PAPPA: variants seen among roughly 807,000 people sequenced by gnomAD.
PAPPA encodes pappalysin 1.
PAPPA carries 60 observed loss-of-function variants against 164.0 expected under a neutral mutation model. The observed-to-expected ratio is 0.37, with a 90% CI of 0.30 to 0.45. PAPPA has a LOEUF of 0.45. Ranked by LOEUF, PAPPA falls within the 20% of genes least tolerant of loss-of-function variation. PAPPA has a pLI of 1.00. For missense variants in PAPPA, 1,782 were observed against 2,087.3 expected (o/e 0.85, Z 2.85); for synonymous variants, 875 against 814.1 (o/e 1.07, Z -1.27).
chr9:116,311,129 G>A (rs1476513471), intron 10 of PAPPA, among the ~76,000 whole-genome samples: 3 of 149,994 alleles, frequency 2.0e-5, no homozygotes, highest in African/African-American at 7.4e-5. Context: ...GAGACTTTGA[G>A]AGTCTCTTGG....
At position 116,187,325 on chromosome 9, in the gene PAPPA, G is replaced by T. The variant is rs1275132981; in HGVS notation, c.587G>T (p.Trp196Leu). The change falls in exon 2 of 22, where the codon TGG (tryptophan) becomes TTG (leucine). Residue 196 changes from tryptophan to leucine, a missense_variant. Trp to Leu is a moderately conservative substitution (Grantham distance 61). This residue lies in a region of PAPPA where 458 missense variants were observed against 430.3 expected (regional missense o/e 1.06). Coordinates refer to ENST00000328252, the MANE Select transcript of PAPPA (RefSeq NM_002581.5). This position sits in a 1 kb window ranked among gnomAD's most constrained non-coding sequence, Gnocchi z 4.2. ...CACCGCAGCTACCTCCCAGGCCAGT[G>T]GGTATACCTAGCTGCCACCTATGAT... ...NAHRSYLPGQ[W>L]VYLAATYDGQ... 9 of 1,613,984 alleles carry T rather than the reference G, an allele frequency of 5.6e-6. No individual in the cohort carries two copies. In the African/African-American group the frequency reaches 1.1e-4, roughly 19 times the overall value.
chr9:116,314,590 A>G (rs1354542515), intron 10 of PAPPA, among the ~76,000 whole-genome samples: 1 of 152,192 alleles, frequency 6.6e-6, no homozygotes, highest in Non-Finnish European at 1.5e-5. Flanking sequence ...ATAAACTCCA[A>G]AAGTCTTAGC....
chr9:116,308,769 T>A (rs1222212524), intron 10 of PAPPA, among the ~76,000 whole-genome samples: 1 of 152,228 alleles, frequency 6.6e-6, no homozygotes, highest in Non-Finnish European at 1.5e-5. Flanking sequence ...GCTGCTAAGA[T>A]CTCCATCTTT....
chr9:116,334,733 C>T (rs1333625866), intron 12 of PAPPA, 128 bp from the exon 13 acceptor site: 8 of 645,398 alleles, frequency 1.2e-5, no homozygotes, highest in Middle Eastern at 5.7e-4. Flanking sequence ...TCCTCACCGG[C>T]CGCCCAATGG....
chr9:116,341,208 T>G (rs1251868899), intron 13 of PAPPA, among the ~76,000 whole-genome samples: 1 of 151,982 alleles, frequency 6.6e-6, no homozygotes, highest in African/African-American at 2.4e-5. Flanking sequence ...TCCCAGCTAA[T>G]TTTTTTATTT....
rs762699326 is a variant in PAPPA at position 116,353,726 on chromosome 9, A to T, written c.4280A>T (p.Gln1427Leu). 1 of 1,614,012 alleles carries T rather than the reference A, an allele frequency of 6.2e-7. No homozygotes were observed. Among genetic ancestry groups the T allele is most frequent in the East Asian group, 2.2e-5 (1 of 44,882 alleles). The change falls in exon 17 of 22, where the codon CAG becomes CTG. Residue 1427 changes from glutamine (Q) to leucine (L), a missense_variant. By Grantham distance (113) the Gln-to-Leu change is moderately radical. Around this residue, in one of 2 missense-constraint regions of PAPPA, gnomAD observed 1,324 missense variants for 1,656.9 expected, o/e 0.80. Coordinates refer to ENST00000328252, the MANE Select transcript of PAPPA (RefSeq NM_002581.5). ...PPPPKFHGLY[Q>L]CTNGFQFNSE... ...CCACCAAAATTCCATGGGCTCTACCAGTGTACTAATGGCTTCCAGTTCAAC... is the reference window on the plus strand; with the variant it reads ...CCACCAAAATTCCATGGGCTCTACCTGTGTACTAATGGCTTCCAGTTCAAC...
chr9:116,191,627 C>T (rs1844043661), intron 2 of PAPPA, among the ~76,000 whole-genome samples: 1 of 152,092 alleles, frequency 6.6e-6, no homozygotes, highest in Non-Finnish European at 1.5e-5. Flanking sequence ...TAGAGACACA[C>T]AGTAGGACAG....
chr9:116,320,820 C>T (rs932179452), intron 10 of PAPPA, among the ~76,000 whole-genome samples: 5 of 152,012 alleles, frequency 3.3e-5, no homozygotes, highest in African/African-American at 4.8e-5. Flanking sequence ...TTAAAGTTTT[C>T]TGTGTTCATT....
At chr9:116,228,292 TCTCCCC>T (rs530280714) in intron 6 of PAPPA, among the ~76,000 whole-genome samples, 143 of 152,244 alleles carry the variant, frequency 9.4e-4, no homozygotes, top group African/African-American at 3.3e-3. Context: ...TAGTCTTTCA[TCTCCCC>T]CTCCCTGGTA....
chr9:116,338,146 T>C (rs1023213377), intron 13 of PAPPA, among the ~76,000 whole-genome samples: 1 of 152,168 alleles, frequency 6.6e-6, no homozygotes, highest in African/African-American at 2.4e-5. Context: ...GAACAGTTTA[T>C]TATAAAATTG....
intron 10 of PAPPA, among the ~76,000 whole-genome samples, chr9:116,303,385 T>C (rs981256903): frequency 6.6e-6 from 1 of 152,182 alleles, no homozygotes; most frequent in Non-Finnish European, 1.5e-5. Flanking sequence ...TTTCGACTCA[T>C]CCTTAAAATA....
chr9:116,311,571 A>C (rs1348223206), intron 10 of PAPPA, among the ~76,000 whole-genome samples: 1 of 152,172 alleles, frequency 6.6e-6, no homozygotes, highest in Non-Finnish European at 1.5e-5. Context: ...AGGAAGCATA[A>C]GCTTTAAAGC....
At chr9:116,288,004 A>T (rs1845362288) in intron 9 of PAPPA, among the ~76,000 whole-genome samples, 1 of 151,996 alleles carries the variant, frequency 6.6e-6, no homozygotes, top group Non-Finnish European at 1.5e-5. Flanking sequence ...AGTTATGATG[A>T]CTCTTATCAT....
At chr9:116,330,203 A>T (rs1845971504) in intron 10 of PAPPA, among the ~76,000 whole-genome samples, 1 of 152,218 alleles carries the variant, frequency 6.6e-6, no homozygotes, top group Admixed American at 6.5e-5. Context: ...GAGAAGCCAC[A>T]TTAGAGACCA....
At chr9:116,313,701 C>T (rs541249536) in intron 10 of PAPPA, among the ~76,000 whole-genome samples, 9 of 152,296 alleles carry the variant, frequency 5.9e-5, no homozygotes, top group South Asian at 4.1e-4. Flanking sequence ...TATGAATGTC[C>T]TGTTCAGTAG....
chr9:116,282,331 A>C (rs1389779854), intron 9 of PAPPA, among the ~76,000 whole-genome samples: 2 of 152,222 alleles, frequency 1.3e-5, no homozygotes, highest in Non-Finnish European at 2.9e-5. Flanking sequence ...CATGTTTAGT[A>C]CAGATAGAAT....
chr9:116,327,284 G>C (rs910986553), intron 10 of PAPPA, among the ~76,000 whole-genome samples: 7 of 152,196 alleles, frequency 4.6e-5, no homozygotes, highest in Admixed American at 4.6e-4. Flanking sequence ...GGAAGGCTGG[G>C]AAGAACCTTG....
chr9:116,192,312 G>A (rs1249864095), intron 2 of PAPPA, among the ~76,000 whole-genome samples: 1 of 152,192 alleles, frequency 6.6e-6, no homozygotes, highest in African/African-American at 2.4e-5. Flanking sequence ...GCCAGGCAGT[G>A]GAGAGGGTGA....
Position 116,154,586 on chromosome 9 carries a change from A to C in PAPPA, c.414A>C (p.Thr138=). ...EGGQRSPAVI[T]GLYDKCSYIS... is the part of the protein sequence containing the mutation. ...GCCAGAGGTCTCCGGCAGTGATCACAGGTAGGTGAGGGCGCCTCGGCGGGC... is the reference window on the plus strand; with the variant it reads ...GCCAGAGGTCTCCGGCAGTGATCACCGGTAGGTGAGGGCGCCTCGGCGGGC... Residue 138 remains threonine (T), a splice_region_variant and synonymous_variant, in exon 1 of 22, where the codon ACA becomes ACC. Transcript: ENST00000328252. This position sits in a 1 kb window ranked among gnomAD's most constrained non-coding sequence, Gnocchi z 5.2. The C allele has an allele frequency of 6.6e-6, 9 of 1,356,332 alleles. No homozygotes were observed. Among genetic ancestry groups the C allele is most frequent in the Non-Finnish European group, 8.5e-6 (9 of 1,055,252 alleles). 84.0% of individuals were successfully genotyped at this position (1,356,332 alleles called of 1,614,324 possible).
Sources: allele counts gnomAD v4.1 joint callset (sites outside exome capture counted in the v4.1 genomes callset), GRCh38; gene constraint gnomAD v4.1.1; regional missense constraint gnomAD v4.1.1; non-coding constraint Gnocchi (gnomAD v3.1); transcripts MANE v1.5; gene names NCBI Gene and HGNC (gene_info 2026-07-23, HGNC 2026-07-21).